The following RFC4 variants were observed in gnomAD, a reference collection of about 807,000 sequenced individuals.
RFC4 encodes the protein A1 37 kDa subunit.
A neutral mutation model predicts 47.6 loss-of-function variants in RFC4; 38 were observed. The observed-to-expected ratio is 0.80, with a 90% confidence interval of 0.62 to 1.05. RFC4 has a LOEUF of 1.05. Among genes scored for constraint, RFC4 ranks in the 50% least tolerant of loss-of-function variants. The probability of loss-of-function intolerance (pLI) is 0.00; values close to 1 mark genes in which losing one functional copy is unlikely to be tolerated. For missense variants in RFC4, 489 were observed against 434.0 expected (o/e 1.13, Z -1.13); for synonymous variants, 164 against 150.0 (o/e 1.09, Z -0.68).
intron 3 of RFC4, among the ~76,000 whole-genome samples, chr3:186,798,519 C>T (rs1579181317): frequency 1.3e-5 from 2 of 152,054 alleles, no homozygotes; most frequent in African/African-American, 4.8e-5. Context: ...CTACTTAAAA[C>T]TATTCCACTT....
At chr3:186,802,150 T>A (rs1421585881) in intron 2 of RFC4, among the ~76,000 whole-genome samples, 1 of 151,922 alleles carries the variant, frequency 6.6e-6, no homozygotes, top group Non-Finnish European at 1.5e-5. Flanking sequence ...ATCAGGAGTT[T>A]GAGACCAGCC....
At chr3:186,799,402 T>C (rs1241429848) in intron 3 of RFC4, among the ~76,000 whole-genome samples, 3 of 152,206 alleles carry the variant, frequency 2.0e-5, no homozygotes, top group Non-Finnish European at 4.4e-5. Context: ...AATATTAAAC[T>C]GAAGTTCTTA....
intron 3 of RFC4, among the ~76,000 whole-genome samples, chr3:186,800,146 G>C (rs1722323397): frequency 6.6e-6 from 1 of 151,970 alleles, no homozygotes; most frequent in Non-Finnish European, 1.5e-5. Context: ...TGGTAGAGAT[G>C]GGGTTTCACC....
chr3:186,790,590 C>T (rs1722087528), intron 8 of RFC4, among the ~76,000 whole-genome samples, 184 bp from the exon 9 acceptor site: 1 of 152,112 alleles, frequency 6.6e-6, no homozygotes, highest in African/African-American at 2.4e-5. Context: ...AACCAAGGTG[C>T]TAACAACTGT....
Position 186,804,498 on chromosome 3 carries a change from A to C in RFC4, c.131+85T>G. On this transcript the variant is annotated intron_variant, in intron 2 of 10. Coordinates refer to ENST00000296273, the MANE Select transcript of RFC4 (RefSeq NM_002916.5). ...TCTAAACAGAACAAAGCATTCCTCC[A>C]TAAGTTAAAAAAAAAAAAAAGTGAT... 3.7e-6 allele frequency: 5 copies of C among 1,355,678 alleles called. No homozygotes were observed. The Admixed American group carries it at 1.1e-4, about 29-fold the overall frequency. The allele number at this position is 1,355,678 out of a possible 1,614,324, so 84.0% of individuals were successfully genotyped here.
intron 2 of RFC4, 37 bp downstream of exon 2, chr3:186,804,546 T>A (rs746357435): frequency 1.9e-6 from 3 of 1,607,810 alleles, no homozygotes; most frequent in Non-Finnish European, 2.6e-6. Flanking sequence ...GAGAGATAAT[T>A]TATGAATTAT....
chr3:186,793,320 T>C lies in RFC4; in HGVS notation c.411-373A>G, dbSNP rs925660630. Reference sequence around the variant, plus strand: ...ACATATTTTAAAGGTTCATCCATATTGTAGCATGTGTTTGCGTCATTCCTT... The same window carrying C: ...ACATATTTTAAAGGTTCATCCATATCGTAGCATGTGTTTGCGTCATTCCTT... On this transcript the variant is annotated intron_variant, in intron 5 of 10. Coordinates refer to ENST00000296273, the MANE Select transcript of RFC4 (RefSeq NM_002916.5). The surrounding 1 kb of genome is among the most constrained non-coding windows in gnomAD (Gnocchi z 4.2). Among the ~76,000 whole-genome samples the C allele has an allele frequency of 6.6e-6, 1 of 152,240 alleles. No individual in the cohort carries two copies. Among genetic ancestry groups the C allele is most frequent in the African/African-American group, 2.4e-5 (1 of 41,472 alleles).
chr3:186,795,332 T>C (rs974514152), intron 4 of RFC4, among the ~76,000 whole-genome samples: 3 of 152,258 alleles, frequency 2.0e-5, no homozygotes, highest in African/African-American at 7.2e-5. Flanking sequence ...TTTGCATTTA[T>C]AATAAGTATC....
At chr3:186,803,662 C>A (rs1043471419) in intron 2 of RFC4, among the ~76,000 whole-genome samples, 1 of 150,724 alleles carries the variant, frequency 6.6e-6, no homozygotes, top group African/African-American at 2.4e-5. Flanking sequence ...CGCCAACATG[C>A]CTGGCTAATT....
chr3:186,805,881 G>A (rs1722468871), intron 1 of RFC4, among the ~76,000 whole-genome samples: 2 of 152,258 alleles, frequency 1.3e-5, no homozygotes, highest in South Asian at 4.1e-4. Context: ...GTAATATTTG[G>A]TGAATGAATT....
In RFC4 at chr3:186,789,902, CTTTTGGT is replaced by C; in HGVS notation, c.*60_*66del. On this transcript the variant is annotated 3_prime_UTR_variant, in exon 11 of 11. Coordinates refer to ENST00000296273, the MANE Select transcript of RFC4 (RefSeq NM_002916.5). Reference sequence around the variant, plus strand: ...AAATTGTATATTCACTTTAAAGGTGCTTTTGGTCATTTTATTTTTATTACAACTTCAT... The same window carrying C: ...AAATTGTATATTCACTTTAAAGGTGCCATTTTATTTTTATTACAACTTCAT... 9.8e-7 allele frequency: 1 copy of C among 1,018,052 alleles called. No individual in the cohort carries two copies. Among genetic ancestry groups the C allele is most frequent in the Non-Finnish European group, 1.5e-6 (1 of 669,640 alleles). The allele number at this position is 1,018,052 out of a possible 1,614,324, so 63.1% of individuals were successfully genotyped here.
rs755889370 is a variant in RFC4, at chr3:186,796,455, A to C, written c.290+1080T>G. Among the ~76,000 whole-genome samples, 2 of 151,868 alleles carry C rather than the reference A, an allele frequency of 1.3e-5. No individual in the cohort carries two copies. Among genetic ancestry groups the C allele is most frequent in the Non-Finnish European group, 2.9e-5 (2 of 67,958 alleles). ...CTTTTACATTTTGACATAACTAATA[A>C]TCCTTACACATTTGGTGATTTCAGT... On this transcript the variant is annotated intron_variant, in intron 4 of 10. Transcript: ENST00000296273. The surrounding 1 kb of genome is among the most constrained non-coding windows in gnomAD (Gnocchi z 4.2).
intron 2 of RFC4, among the ~76,000 whole-genome samples, chr3:186,803,146 C>G (rs922516214): frequency 6.6e-6 from 1 of 152,130 alleles, no homozygotes; most frequent in Non-Finnish European, 1.5e-5. Flanking sequence ...AGTTGAAGAC[C>G]AGCCTGGTCA....
intron 3 of RFC4, among the ~76,000 whole-genome samples, chr3:186,798,196 T>C (rs568072150): frequency 2.0e-5 from 3 of 152,320 alleles, no homozygotes; most frequent in African/African-American, 7.2e-5. Flanking sequence ...TCTGTAAGGA[T>C]GCTTGCATGT....
chr3:186,792,557 G>A lies in RFC4; in HGVS notation c.608C>T (p.Ser203Leu), dbSNP rs759344009. Residue 203 changes from serine (S) to leucine (L), a missense_variant, in exon 7 of 11, where the codon TCA becomes TTA. Physicochemically the swap from Ser to Leu is moderately radical, Grantham distance 145. Coordinates refer to ENST00000296273, the MANE Select transcript of RFC4 (RefSeq NM_002916.5). The part of the protein sequence containing the change: ...RCSKFRFKPL[S>L]DKIQQQRLLD... ...TAATCGCTGCTGTTGAATTTTATCT[G>A]ACAGAGGCTTGAAGCGGAATTTTGA... The A allele has an allele frequency of 1.1e-5, 18 of 1,613,656 alleles. No homozygotes were observed. The highest frequency in any genetic ancestry group is 1.4e-5 in the Non-Finnish European group (17 of 1,179,752).
intron 5 of RFC4, among the ~76,000 whole-genome samples, chr3:186,794,336 T>C (rs543176167): frequency 2.0e-5 from 3 of 152,356 alleles, no homozygotes; most frequent in South Asian, 4.1e-4. Flanking sequence ...TTAGGTGCTA[T>C]AGCGGTTGTG....
intron 1 of RFC4, chr3:186,805,424 G>C: frequency 6.6e-6 from 1 of 152,332 alleles, no homozygotes; most frequent in Non-Finnish European, 1.5e-5. Flanking sequence ...GTTTCACCAT[G>C]TTGCCTAGGC....
At chr3:186,799,617 G>T (rs1014182770) in intron 3 of RFC4, among the ~76,000 whole-genome samples, 5 of 152,140 alleles carry the variant, frequency 3.3e-5, no homozygotes, top group Non-Finnish European at 7.3e-5. Flanking sequence ...GGAGGCTGAG[G>T]TGGGAGGATC....
At chr3:186,803,092 C>T (rs1722394968) in intron 2 of RFC4, among the ~76,000 whole-genome samples, 1 of 152,162 alleles carries the variant, frequency 6.6e-6, no homozygotes, top group African/African-American at 2.4e-5. Flanking sequence ...CCTGTAATCC[C>T]AGCACTTTGG....
Sources: allele counts gnomAD v4.1 joint callset (sites outside exome capture counted in the v4.1 genomes callset), GRCh38; gene constraint gnomAD v4.1.1; non-coding constraint Gnocchi (gnomAD v3.1); transcripts MANE v1.5; gene names NCBI Gene and HGNC (gene_info 2026-07-23, HGNC 2026-07-21).